ENTREP2: variants seen among roughly 807,000 people sequenced by gnomAD.
ENTREP2 encodes the protein endosomal transmembrane epsin interactor 2.
the ENTREP2 span, among the ~76,000 whole-genome samples, chr15:29,549,392 C>T: frequency 5.9e-5 from 9 of 152,156 alleles, no homozygotes; most frequent in Non-Finnish European, 8.8e-5. Context: ...GCCTTAGCCT[C>T]CCGAGTAGCT....
At chr15:29,352,495 T>A in the ENTREP2 span, among the ~76,000 whole-genome samples, 2 of 152,218 alleles carry the variant, frequency 1.3e-5, no homozygotes, top group African/African-American at 4.8e-5. Flanking sequence ...TTCCTGCTTA[T>A]GAAATTACAT....
At chr15:29,263,041 T>A in the ENTREP2 span, among the ~76,000 whole-genome samples, 1 of 152,178 alleles carries the variant, frequency 6.6e-6, no homozygotes. Context: ...AAAAAAGATG[T>A]AAAAGAATTA....
At chr15:29,349,256 T>A in the ENTREP2 span, among the ~76,000 whole-genome samples, 1 of 151,568 alleles carries the variant, frequency 6.6e-6, no homozygotes, top group Non-Finnish European at 1.5e-5. Flanking sequence ...AAAAATAAAA[T>A]GAGAAGACTC....
the ENTREP2 span, among the ~76,000 whole-genome samples, chr15:29,224,938 G>A: frequency 2.0e-5 from 3 of 152,182 alleles, no homozygotes; most frequent in South Asian, 2.1e-4. Flanking sequence ...GCCCTGCCCC[G>A]CGGGAAGGCA....
the ENTREP2 span, among the ~76,000 whole-genome samples, chr15:29,551,372 G>A: frequency 6.6e-6 from 1 of 152,138 alleles, no homozygotes; most frequent in African/African-American, 2.4e-5. Context: ...ACTGCCCATC[G>A]GTGAGATTTG....
the ENTREP2 span, among the ~76,000 whole-genome samples, chr15:29,226,177 G>A: frequency 6.6e-6 from 1 of 152,320 alleles, no homozygotes; most frequent in African/African-American, 2.4e-5. Flanking sequence ...ATCAAAGAAT[G>A]ACTGAATGTA....
At chr15:29,353,222 G>T in the ENTREP2 span, among the ~76,000 whole-genome samples, 1 of 152,060 alleles carries the variant, frequency 6.6e-6, no homozygotes, top group East Asian at 1.9e-4. Context: ...CTAGGTGATT[G>T]AAAAGGTTTT....
chr15:29,304,198 T>A, the ENTREP2 span, among the ~76,000 whole-genome samples: 1 of 152,134 alleles, frequency 6.6e-6, no homozygotes, highest in East Asian at 1.9e-4. Context: ...GCATTTTCTT[T>A]ATCAACACTC....
chr15:29,398,534 G>A, the ENTREP2 span, among the ~76,000 whole-genome samples: 1 of 151,968 alleles, frequency 6.6e-6, no homozygotes, highest in Non-Finnish European at 1.5e-5. Flanking sequence ...GACCAGCCTG[G>A]CCAACATGGT....
the ENTREP2 span, among the ~76,000 whole-genome samples, chr15:29,249,884 C>T: frequency 6.8e-4 from 103 of 152,110 alleles, 2 homozygotes; most frequent in South Asian, 2.1e-4. Context: ...CAGAAAGTCA[C>T]GTGGCCAGAG....
the ENTREP2 span, chr15:29,374,588 C>T: frequency 6.6e-6 from 1 of 151,858 alleles, no homozygotes; most frequent in Non-Finnish European, 1.5e-5. Flanking sequence ...TGGTTCTTTG[C>T]ATGCATTCAG....
chr15:29,403,020 T>C, the ENTREP2 span, among the ~76,000 whole-genome samples: 5 of 151,988 alleles, frequency 3.3e-5, no homozygotes, highest in Non-Finnish European at 5.9e-5. Flanking sequence ...AGAACAGGTA[T>C]GGAAAGGCTC....
the ENTREP2 span, among the ~76,000 whole-genome samples, chr15:29,240,891 C>T: frequency 1.2e-4 from 18 of 152,158 alleles, no homozygotes; most frequent in African/African-American, 3.9e-4. Context: ...GGAAAGTTAG[C>T]GACCATCATA....
the ENTREP2 span, among the ~76,000 whole-genome samples, chr15:29,445,043 C>T: frequency 2.2e-4 from 34 of 152,152 alleles, no homozygotes; most frequent in African/African-American, 7.7e-4. Context: ...GTTGGGGTGG[C>T]AATGTGCCCA....
the ENTREP2 span, among the ~76,000 whole-genome samples, chr15:29,507,822 C>T: frequency 1.3e-5 from 2 of 152,078 alleles, no homozygotes; most frequent in Non-Finnish European, 2.9e-5. Context: ...AATCAACACC[C>T]TAACATCACA....
At chr15:29,365,346 G>A in the ENTREP2 span, among the ~76,000 whole-genome samples, 1 of 150,438 alleles carries the variant, frequency 6.6e-6, no homozygotes, top group African/African-American at 2.5e-5. Flanking sequence ...TCCACCTCCT[G>A]ATTTCAAGAG....
the ENTREP2 span, chr15:29,609,837 A>T: frequency 1.3e-5 from 2 of 150,526 alleles, 1 homozygote; most frequent in Non-Finnish European, 3.0e-5. Context: ...ATATGAACAC[A>T]GTAGGTGCTC....
At chr15:29,470,654 A>T in the ENTREP2 span, among the ~76,000 whole-genome samples, 1 of 152,164 alleles carries the variant, frequency 6.6e-6, no homozygotes, top group African/African-American at 2.4e-5. Context: ...CTGGCAGACA[A>T]GGTGATGCGT....
chr15:29,638,524 A>G, the ENTREP2 span, among the ~76,000 whole-genome samples: 7 of 152,218 alleles, frequency 4.6e-5, no homozygotes, highest in Non-Finnish European at 8.8e-5. Context: ...CATTGTGCTC[A>G]CTAAAAACAT....
Sources: allele counts gnomAD v4.1 joint callset (sites outside exome capture counted in the v4.1 genomes callset), GRCh38; gene constraint gnomAD v4.1.1; transcripts MANE v1.5; gene names NCBI Gene and HGNC (gene_info 2026-07-23, HGNC 2026-07-21).